COP1: variants seen among roughly 807,000 people sequenced by gnomAD.
The protein encoded by COP1 is E3 ubiquitin-protein ligase COP1.
A neutral mutation model predicts 101.3 loss-of-function variants in COP1; 24 were observed. The ratio of observed to expected loss-of-function variants is 0.24; its 90% CI spans 0.17 to 0.33. The LOEUF is 0.33. Among genes scored for constraint, COP1 ranks in the 10% least tolerant of loss-of-function variants. The pLI, the probability that COP1 is intolerant of heterozygous loss-of-function variation, is 1.00. For missense variants in COP1, 663 were observed against 906.2 expected (o/e 0.73, Z 3.45); for synonymous variants, 347 against 341.9 (o/e 1.01, Z -0.17).
At chr1:176,022,345 G>A (rs1463124458) in intron 15 of COP1, among the ~76,000 whole-genome samples, 1 of 152,046 alleles carries the variant, frequency 6.6e-6, no homozygotes, top group Non-Finnish European at 1.5e-5. Flanking sequence ...ATAATTGGTG[G>A]GTAGCTCATA....
In COP1 at chr1:176,148,952, G is replaced by C. The variant is rs1691991841; in HGVS notation, c.831+54C>G. ...AGCCTGAAATGCTTTTACAAAATGG[G>C]AACAGTTAACAATAGTAAATAAAAC... On this transcript the variant is annotated intron_variant, in intron 6 of 19. Transcript: ENST00000367669. The C allele has an allele frequency of 1.2e-5, 13 of 1,124,644 alleles. No individual in the cohort carries two copies. In the South Asian group the frequency reaches 1.9e-4, roughly 16 times the overall value. 69.7% of individuals were successfully genotyped at this position (1,124,644 alleles called of 1,614,324 possible).
At chr1:176,046,934 T>A (rs192049495) in intron 11 of COP1, among the ~76,000 whole-genome samples, 1 of 152,112 alleles carries the variant, frequency 6.6e-6, no homozygotes, top group East Asian at 1.9e-4. Flanking sequence ...ATTCCTCATA[T>A]CACAAAAGAG....
chr1:176,198,296 A>G (rs1699913827), intron 1 of COP1, among the ~76,000 whole-genome samples: 1 of 152,194 alleles, frequency 6.6e-6, no homozygotes, highest in African/African-American at 2.4e-5. Context: ...ACATATATAC[A>G]CCAACGGGAC....
chr1:176,037,735 T>C (rs984757578), intron 14 of COP1, among the ~76,000 whole-genome samples: 1 of 152,200 alleles, frequency 6.6e-6, no homozygotes, highest in South Asian at 2.1e-4. Flanking sequence ...CAAAATTCAA[T>C]ATCCATCATG....
At chr1:176,133,233 TATGTAC>T (rs1218539023) in intron 8 of COP1, among the ~76,000 whole-genome samples, 4 of 150,602 alleles carry the variant, frequency 2.7e-5, no homozygotes, top group African/African-American at 7.3e-5. Flanking sequence ...TACGTACGTA[TATGTAC>T]GTAGGTACAC....
intron 11 of COP1, among the ~76,000 whole-genome samples, chr1:176,067,774 A>G (rs1025239676): frequency 6.6e-6 from 1 of 152,222 alleles, no homozygotes; most frequent in Non-Finnish European, 1.5e-5. Flanking sequence ...GTTGACTAAC[A>G]CAAGCCACCT....
Position 176,027,597 on chromosome 1 carries a change from T to A in COP1, c.1704A>T (p.Arg568Ser). The A allele has an allele frequency of 6.2e-7, 1 of 1,613,052 alleles. No individual in the cohort carries two copies. The highest frequency in any genetic ancestry group is 8.5e-7 in the Non-Finnish European group (1 of 1,179,190). The change falls in exon 15 of 20, where the codon AGA (arginine) becomes AGT (serine). Residue 568 changes from arginine to serine, a missense_variant. This residue lies in a region of COP1 where 209 missense variants were observed against 383.3 expected (regional missense o/e 0.55). Coordinates refer to ENST00000367669, the MANE Select transcript of COP1 (RefSeq NM_022457.7). ...VCCVKFSPSS[R>S]YHLAFGCADH... ...CTGCACAGCCGAAAGCCAAATGGTATCTGGAAGAGGGGCTGAATTTAACAC... is the reference window on the plus strand; with the variant it reads ...CTGCACAGCCGAAAGCCAAATGGTAACTGGAAGAGGGGCTGAATTTAACAC...
intron 5 of COP1, among the ~76,000 whole-genome samples, chr1:176,157,450 C>T (rs1007958945): frequency 2.0e-5 from 3 of 152,026 alleles, no homozygotes; most frequent in African/African-American, 7.2e-5. Flanking sequence ...AACACCTGTC[C>T]AACTATATGA....
chr1:176,102,411 T>G (rs1241529875), intron 9 of COP1, among the ~76,000 whole-genome samples: 1 of 152,046 alleles, frequency 6.6e-6, no homozygotes, highest in African/African-American at 2.4e-5. Flanking sequence ...GAAAAGGAAA[T>G]GTGGTCTAAG....
At chr1:176,004,399 A>G (rs10798437) in intron 15 of COP1, among the ~76,000 whole-genome samples, 76,148 of 107,894 alleles carry the variant, frequency 0.71, 28,913 homozygotes, top group East Asian at 0.9. Flanking sequence ...TTGAAGAGGA[A>G]TGGTGAGAGA....
chr1:176,079,505 C>T (rs55803458), intron 11 of COP1, among the ~76,000 whole-genome samples: 29,079 of 151,400 alleles, frequency 0.19, 3,580 homozygotes, highest in Middle Eastern at 0.29. Flanking sequence ...GGGCAGGGGT[C>T]GTGGGCTTAT....
At chr1:176,090,149 A>G (rs1475022861) in intron 9 of COP1, among the ~76,000 whole-genome samples, 1 of 152,190 alleles carries the variant, frequency 6.6e-6, no homozygotes, top group Non-Finnish European at 1.5e-5. Flanking sequence ...TCTTTGAACC[A>G]AGAGTCAATC....
At chr1:176,041,347 T>TTTTTTC in intron 14 of COP1, among the ~76,000 whole-genome samples, 1 of 252 alleles carries the variant, frequency 4.0e-3, no homozygotes, top group African/African-American at 5.5e-3. Context: ...TTTTTTTTCT[T>TTTTTTC]TTTTTCTTTT....
At chr1:176,086,924 G>A (rs370798304) in intron 9 of COP1, among the ~76,000 whole-genome samples, 77 of 152,214 alleles carry the variant, frequency 5.1e-4, no homozygotes, top group African/African-American at 1.7e-3. Flanking sequence ...CAGACCAATC[G>A]AACAGAACAG....
intron 14 of COP1, among the ~76,000 whole-genome samples, chr1:176,040,096 C>T (rs1261220875): frequency 6.6e-6 from 1 of 152,176 alleles, no homozygotes; most frequent in Non-Finnish European, 1.5e-5. Context: ...AACTCACCAA[C>T]TGGACTTCTT....
intron 3 of COP1, among the ~76,000 whole-genome samples, chr1:176,169,581 TA>T (rs1028318002): frequency 6.6e-6 from 1 of 152,148 alleles, no homozygotes; most frequent in Non-Finnish European, 1.5e-5. Flanking sequence ...ATTATGTCTT[TA>T]AAAAAAGTAT....
intron 11 of COP1, among the ~76,000 whole-genome samples, chr1:176,064,719 T>A (rs569761011): frequency 9.2e-5 from 14 of 152,208 alleles, no homozygotes; most frequent in African/African-American, 3.4e-4. Flanking sequence ...ACTGGTGTGA[T>A]CATGGCTCAC....
At chr1:176,045,176 G>T (rs1043060144) in intron 12 of COP1, among the ~76,000 whole-genome samples, 10 of 152,012 alleles carry the variant, frequency 6.6e-5, no homozygotes, top group Non-Finnish European at 1.2e-4. Flanking sequence ...AGCAATAATG[G>T]TAACTATTTC....
chr1:176,009,387 T>C (rs927412596), intron 15 of COP1, among the ~76,000 whole-genome samples: 3 of 152,226 alleles, frequency 2.0e-5, no homozygotes, highest in African/African-American at 7.2e-5. Context: ...AATTTGGTAT[T>C]ATAAAAATAA....
Sources: gnomAD v4.1 joint callset for allele counts (sites outside exome capture counted in the v4.1 genomes callset) on GRCh38, gnomAD v4.1.1 for gene constraint, gnomAD v4.1.1 regional missense constraint, MANE v1.5 for transcripts, NCBI Gene and HGNC (gene_info 2026-07-23, HGNC 2026-07-21) for gene names.